The following CDC42BPA variants were observed in gnomAD, a reference collection of about 807,000 sequenced individuals.
The protein encoded by CDC42BPA is CDC42 binding protein kinase alpha.
A neutral mutation model predicts 223.5 loss-of-function variants in CDC42BPA; 80 were observed. That is an observed-to-expected ratio of 0.36 (90% CI 0.30 to 0.43). The LOEUF is 0.43. CDC42BPA is among the 20% of genes least tolerant of loss of function. The pLI, the probability that CDC42BPA is intolerant of heterozygous loss-of-function variation, is 1.00. For missense variants in CDC42BPA, 1,743 were observed against 2,099.9 expected (o/e 0.83, Z 3.32); for synonymous variants, 694 against 718.6 (o/e 0.97, Z 0.55).
chr1:227,235,326 T>G (rs1191605950), intron 2 of CDC42BPA: 1 of 152,156 alleles, frequency 6.6e-6, no homozygotes, highest in East Asian at 1.9e-4. Context: ...TGGTTAGAAA[T>G]CTCACACACT....
At position 227,032,770 on chromosome 1, in the gene CDC42BPA, G is replaced by GA. The variant is rs1669523573; in HGVS notation, c.3558+563dup. Among the ~76,000 whole-genome samples, 3 of 152,164 alleles carry GA rather than the reference G, an allele frequency of 2.0e-5. No homozygotes were observed. The South Asian group carries it at 6.2e-4, about 32-fold the overall frequency. ...GAGGGAGTTCACAAAGAGGAGAACT[G>GA]AGATCACCCAGCTAACAGCCAGCAC... On this transcript the variant is annotated intron_variant, in intron 27 of 36. Coordinates refer to ENST00000366766, the MANE Select transcript of CDC42BPA (RefSeq NM_001394014.1).
intron 2 of CDC42BPA, among the ~76,000 whole-genome samples, chr1:227,248,298 G>GA (rs1681350604): frequency 6.6e-6 from 1 of 152,050 alleles, no homozygotes; most frequent in South Asian, 2.1e-4. Context: ...AAATTGGAAA[G>GA]AAAAAAGTCA....
intron 5 of CDC42BPA, among the ~76,000 whole-genome samples, chr1:227,167,888 G>A (rs1331465053): frequency 6.6e-6 from 1 of 151,446 alleles, no homozygotes; most frequent in African/African-American, 2.4e-5. Context: ...ACTTCCTTTA[G>A]CATGTCTTAC....
intron 1 of CDC42BPA, among the ~76,000 whole-genome samples, chr1:227,258,888 C>T (rs1329774204): frequency 6.6e-6 from 1 of 150,946 alleles, no homozygotes; most frequent in Non-Finnish European, 1.5e-5. Context: ...ATATTCATTA[C>T]AACAATTGAA....
chr1:227,057,362 A>AGT (rs567442549), intron 21 of CDC42BPA, among the ~76,000 whole-genome samples: 4 of 86,226 alleles, frequency 4.6e-5, no homozygotes, highest in Admixed American at 1.3e-4. Flanking sequence ...ATGACATTTC[A>AGT]TAGTTAATTT....
intron 16 of CDC42BPA, among the ~76,000 whole-genome samples, chr1:227,089,102 T>C (rs778292056): frequency 6.6e-6 from 1 of 152,212 alleles, no homozygotes; most frequent in Non-Finnish European, 1.5e-5. Context: ...AAAAATTTAT[T>C]TAAACGTTTT....
intron 1 of CDC42BPA, among the ~76,000 whole-genome samples, chr1:227,268,603 G>A (rs1003161892): frequency 9.3e-5 from 13 of 139,222 alleles, no homozygotes; most frequent in African/African-American, 3.4e-4. Flanking sequence ...TATATAGTGT[G>A]TGTATAGTGT....
rs369035159 is a variant in CDC42BPA at position 227,047,264 on chromosome 1, A to AT, written c.3093+662dup. On this transcript the variant is annotated intron_variant, in intron 23 of 36. Transcript: ENST00000366766. ...ACATACTTCTTATCTCTTTAAGGAT[A>AT]TTTTTTATGTTTATTTTAAATTCAT... is the stretch of plus-strand genomic sequence containing the variant. Among the ~76,000 whole-genome samples, 191 of 152,154 alleles carry AT rather than the reference A, an allele frequency of 1.3e-3. 2 individuals are homozygous for AT. Among genetic ancestry groups the AT allele is most frequent in the African/African-American group, 4.2e-3 (176 of 41,524 alleles).
At chr1:227,006,866 G>C (rs1305051233) in intron 34 of CDC42BPA, among the ~76,000 whole-genome samples, 1 of 152,100 alleles carries the variant, frequency 6.6e-6, no homozygotes, top group Admixed American at 6.5e-5. Flanking sequence ...GAATCTGGGA[G>C]GTGGAGGTTG....
chr1:227,275,779 T>G (rs1686860959), intron 1 of CDC42BPA, among the ~76,000 whole-genome samples: 1 of 152,160 alleles, frequency 6.6e-6, no homozygotes, highest in Admixed American at 6.5e-5. Context: ...GTTTTTGTAT[T>G]TTTTGGTGGA....
At chr1:227,029,570 A>G (rs534067827) in intron 29 of CDC42BPA, among the ~76,000 whole-genome samples, 1 of 152,334 alleles carries the variant, frequency 6.6e-6, no homozygotes, top group East Asian at 1.9e-4. Context: ...TCCCATTTTT[A>G]AAAACAGAGA....
At chr1:227,048,176 T>C (rs1672843471) in intron 22 of CDC42BPA, among the ~76,000 whole-genome samples, 166 bp from the exon 23 acceptor site, 1 of 152,120 alleles carries the variant, frequency 6.6e-6, no homozygotes. Flanking sequence ...CTCATAGTGT[T>C]GATAATTTAA....
chr1:227,264,786 C>T (rs770108563), intron 1 of CDC42BPA: 12 of 1,089,560 alleles, frequency 1.1e-5, no homozygotes, highest in Non-Finnish European at 1.7e-5. Context: ...GAATCTTCCA[C>T]TGTTACCTCA....
chr1:227,224,864 T>C (rs1031773650), intron 2 of CDC42BPA, among the ~76,000 whole-genome samples: 9 of 152,184 alleles, frequency 5.9e-5, no homozygotes, highest in African/African-American at 9.6e-5. Flanking sequence ...AAGGCATTTA[T>C]AATATGGAAA....
chr1:227,193,691 C>T (rs1045222739), intron 5 of CDC42BPA, 95 bp downstream of exon 5: 2 of 1,036,412 alleles, frequency 1.9e-6, no homozygotes, highest in Non-Finnish European at 2.7e-6. Flanking sequence ...TAAATGTATC[C>T]AAGACCATAA....
chr1:227,023,604 A>G (rs1320768894), intron 31 of CDC42BPA, among the ~76,000 whole-genome samples: 2 of 152,232 alleles, frequency 1.3e-5, no homozygotes, highest in Non-Finnish European at 2.9e-5. Flanking sequence ...AAATACATTT[A>G]AACCTTAGAC....
chr1:226,997,323 T>C (rs1486940259), intron 35 of CDC42BPA, among the ~76,000 whole-genome samples: 1 of 152,202 alleles, frequency 6.6e-6, no homozygotes, highest in Non-Finnish European at 1.5e-5. Context: ...CATTTTTTTA[T>C]TATGTCTATT....
At chr1:227,147,261 T>C (rs1414595334) in intron 7 of CDC42BPA, 98 bp downstream of exon 7, 23 of 772,732 alleles carry the variant, frequency 3.0e-5, no homozygotes, top group Non-Finnish European at 4.1e-5. Flanking sequence ...AGAAATGTGA[T>C]TGTTCACTGT....
At chr1:227,095,431 T>C (rs1211100130) in intron 15 of CDC42BPA, among the ~76,000 whole-genome samples, 1 of 141,382 alleles carries the variant, frequency 7.1e-6, no homozygotes, top group Non-Finnish European at 1.5e-5. Flanking sequence ...CCATTCCTTC[T>C]TACATCTACA....
Sources: allele counts gnomAD v4.1 joint callset (sites outside exome capture counted in the v4.1 genomes callset), GRCh38; gene constraint gnomAD v4.1.1; transcripts MANE v1.5; gene names NCBI Gene and HGNC (gene_info 2026-07-23, HGNC 2026-07-21).